The following MYOM2 variants were observed in gnomAD, a reference collection of about 807,000 sequenced individuals.
MYOM2 encodes myomesin-2.
MYOM2 carries 254 observed loss-of-function variants against 187.6 expected under a neutral mutation model. The observed-to-expected ratio is 1.35, with a 90% CI of 1.22 to 1.50. The LOEUF is 1.50. MYOM2 is among the 40% of genes most tolerant of loss of function. The pLI is 0.00. For missense variants in MYOM2, 2,796 were observed against 1,924.0 expected (o/e 1.45, Z -8.48); for synonymous variants, 981 against 753.8 (o/e 1.30, Z -4.94).
chr8:2,097,920 T>A (rs1050039148), intron 18 of MYOM2: 8 of 152,240 alleles, frequency 5.3e-5, no homozygotes, highest in Non-Finnish European at 1.5e-5. Flanking sequence ...GCCCCTCCTG[T>A]TGCTGCTGGA....
rs973676763 is a variant in MYOM2, at chr8:2,066,379, C to T, written c.654-2899C>T. On this transcript the variant is annotated intron_variant, in intron 6 of 36. Transcript: ENST00000262113. ...GCTCACTTCCATATACTCTGGCATT[C>T]GAATCCTTCCAGCGGTGCCTGTGGG... Among the ~76,000 whole-genome samples the T allele has an allele frequency of 3.9e-5, 6 of 152,172 alleles. No homozygotes were observed. The East Asian group carries it at 1.2e-3, about 29-fold the overall frequency.
intron 28 of MYOM2, among the ~76,000 whole-genome samples, chr8:2,120,689 A>ATATATATATTTATAATAT: frequency 2.4e-5 from 1 of 42,408 alleles, no homozygotes; most frequent in Non-Finnish European, 4.7e-5. Flanking sequence ...ATTATATATA[A>ATATATATATTTATAATAT]ATATATAATA....
At position 2,129,135 on chromosome 8, in the gene MYOM2, G is replaced by C; in HGVS notation, c.3703G>C (p.Ala1235Pro). 6.2e-7 allele frequency: 1 copy of C among 1,602,256 alleles called. No individual in the cohort carries two copies. Among genetic ancestry groups the C allele is most frequent in the Non-Finnish European group, 8.5e-7 (1 of 1,170,188 alleles). ...LAMSRVCGKS[A>P]SPLKVLCTPE... ...TGTTTTATTTTCTGCAGGGAAATCT[G>C]CTTCGCCACTGAAGGTACTCTGCAC... The change falls in exon 32 of 37, where the codon GCT (alanine) becomes CCT (proline). Residue 1235 changes from alanine to proline, a missense_variant. Ala to Pro is a conservative substitution (Grantham distance 27). Coordinates refer to ENST00000262113, the MANE Select transcript of MYOM2 (RefSeq NM_003970.4).
At chr8:2,089,544 G>A (rs1796222631) in intron 14 of MYOM2, among the ~76,000 whole-genome samples, 1 of 152,188 alleles carries the variant, frequency 6.6e-6, no homozygotes, top group Non-Finnish European at 1.5e-5. Context: ...TCATGTGTCT[G>A]ACCGTATTGA....
chr8:2,122,526 T>C (rs1797492762), intron 28 of MYOM2, among the ~76,000 whole-genome samples: 1 of 152,236 alleles, frequency 6.6e-6, no homozygotes, highest in South Asian at 2.1e-4. Flanking sequence ...GATGACACTG[T>C]TGAATCATTT....
chr8:2,089,557 G>A (rs1219547441), intron 14 of MYOM2, among the ~76,000 whole-genome samples: 4 of 152,164 alleles, frequency 2.6e-5, no homozygotes, highest in East Asian at 1.9e-4. Context: ...CGTATTGACA[G>A]CCATTTAGAT....
At chr8:2,066,259 C>T (rs1180786707) in intron 6 of MYOM2, among the ~76,000 whole-genome samples, 6 of 152,196 alleles carry the variant, frequency 3.9e-5, no homozygotes, top group African/African-American at 1.4e-4. Context: ...GTTTATGGCT[C>T]CCTCCTTGAG....
At chr8:2,126,461 C>T (rs1214865738) in intron 31 of MYOM2, among the ~76,000 whole-genome samples, 5 of 152,176 alleles carry the variant, frequency 3.3e-5, no homozygotes, top group African/African-American at 7.2e-5. Context: ...GTACCCACAC[C>T]CTACACACTC....
intron 6 of MYOM2, among the ~76,000 whole-genome samples, chr8:2,063,530 A>G (rs1443983953): frequency 2.6e-5 from 4 of 152,260 alleles, no homozygotes; most frequent in African/African-American, 9.6e-5. Context: ...GAAAGTATTT[A>G]TAATAGAACA....
chr8:2,051,375 G>T (rs3779867), intron 2 of MYOM2, among the ~76,000 whole-genome samples: 1 of 152,064 alleles, frequency 6.6e-6, no homozygotes, highest in Non-Finnish European at 1.5e-5. Flanking sequence ...GAAGCTTCTC[G>T]GGGATGGCCT....
intron 19 of MYOM2, chr8:2,100,575 C>G: frequency 2.7e-6 from 1 of 371,706 alleles, no homozygotes; most frequent in Non-Finnish European, 5.0e-6. Flanking sequence ...CCTGTCCTTT[C>G]CCGCACACCG....
chr8:2,101,534 C>T (rs1019109791), intron 20 of MYOM2, among the ~76,000 whole-genome samples: 47 of 152,172 alleles, frequency 3.1e-4, no homozygotes, highest in Middle Eastern at 3.2e-3. Context: ...AGCCGCCATG[C>T]GCGTTGTGGG....
rs773090655 is a variant in MYOM2, at chr8:2,096,396, G to A, written c.2275G>A (p.Glu759Lys). The A allele has an allele frequency of 1.9e-5, 31 of 1,614,082 alleles. No individual in the cohort carries two copies. Among genetic ancestry groups the A allele is most frequent in the South Asian group, 1.1e-4 (10 of 91,078 alleles). The part of the protein sequence containing the change: ...KREVHHKNWH[E>K]VNSSPSKPTI... ...TGAAGTTCACCATAAAAACTGGCACGAGGTCAATTCCTCACCCAGCAAACC... is the reference window on the plus strand; with the variant it reads ...TGAAGTTCACCATAAAAACTGGCACAAGGTCAATTCCTCACCCAGCAAACC... Residue 759 changes from glutamate to lysine, a missense_variant, in exon 18 of 37, where the codon GAG becomes AAG. Coordinates refer to ENST00000262113, the MANE Select transcript of MYOM2 (RefSeq NM_003970.4).
intron 28 of MYOM2, among the ~76,000 whole-genome samples, chr8:2,122,156 T>A (rs988881270): frequency 6.6e-6 from 1 of 152,200 alleles, no homozygotes; most frequent in Non-Finnish European, 1.5e-5. Flanking sequence ...TAGATTGGCA[T>A]TGAAAACAGA....
chr8:2,083,682 C>T lies in MYOM2; in HGVS notation c.1517-1581C>T, dbSNP rs1819712710. Among the ~76,000 whole-genome samples the T allele has an allele frequency of 2.6e-5, 4 of 152,228 alleles. No individual in the cohort carries two copies. The South Asian group carries it at 8.3e-4, about 32-fold the overall frequency. On this transcript the variant is annotated intron_variant, in intron 13 of 36. Coordinates refer to ENST00000262113, the MANE Select transcript of MYOM2 (RefSeq NM_003970.4). ...TCACTCATGCCCACCCCTGTGCTTC[C>T]CTCTCCCTGGCTCGAGGGACCCTTT...
At chr8:2,105,137 T>C (rs6558606) in intron 21 of MYOM2, among the ~76,000 whole-genome samples, 93,232 of 151,818 alleles carry the variant, frequency 0.61, 29,161 homozygotes, top group African/African-American at 0.73. Context: ...TACATTTCAA[T>C]GTGAGTTTTG....
chr8:2,145,098 A>G lies in MYOM2; in HGVS notation c.*117A>G. 1 of 1,097,176 alleles carries G rather than the reference A, an allele frequency of 9.1e-7. No homozygotes were observed. Among genetic ancestry groups the G allele is most frequent in the Non-Finnish European group, 1.3e-6 (1 of 759,904 alleles). The allele number at this position is 1,097,176 out of a possible 1,614,324, so 68.0% of individuals were successfully genotyped here. A position where few individuals can be genotyped will look rare whatever the true frequency, so the allele number is the denominator to read the frequency against. On this transcript the variant is annotated 3_prime_UTR_variant, in exon 37 of 37. Coordinates refer to ENST00000262113, the MANE Select transcript of MYOM2 (RefSeq NM_003970.4). ...GGTGTCCTGTGTGGGCTGATAGTTG[A>G]TCACACATTGTGCTTTTGATTTTTG...
chr8:2,133,674 C>T lies in MYOM2; in HGVS notation c.3800+4442C>T, dbSNP rs534011293. 1.7e-3 allele frequency among the ~76,000 whole-genome samples: 254 copies of T among 152,088 alleles called. 3 individuals carry two copies. Among genetic ancestry groups the T allele is most frequent in the Admixed American group, 4.1e-3 (63 of 15,272 alleles). On this transcript the variant is annotated intron_variant, in intron 32 of 36. Coordinates refer to ENST00000262113, the MANE Select transcript of MYOM2 (RefSeq NM_003970.4). ...TGGGGTTTCACCATGTTGGCCAGGC[C>T]GGTCTCGAACTCCTGACCTCAGGTG...
chr8:2,114,552 G>A (rs533838230), intron 25 of MYOM2, among the ~76,000 whole-genome samples: 181 of 152,262 alleles, frequency 1.2e-3, no homozygotes, highest in Non-Finnish European at 2.2e-3. Context: ...TCGGTTCACT[G>A]CATCCTCTGC....
Sources: allele counts gnomAD v4.1 joint callset (sites outside exome capture counted in the v4.1 genomes callset), GRCh38; gene constraint gnomAD v4.1.1; transcripts MANE v1.5; gene names NCBI Gene and HGNC (gene_info 2026-07-23, HGNC 2026-07-21).